Variants in NCR3LG1 observed in about 807,000 individuals in gnomAD.
NCR3LG1 encodes the protein natural killer cell cytotoxicity receptor 3 ligand 1, also known as natural cytotoxicity triggering receptor 3 ligand 1.
Under a neutral mutation model 34.8 loss-of-function variants are expected in NCR3LG1, and 35 were observed. That is an observed-to-expected ratio of 1.01 (90% CI 0.77 to 1.33). The LOEUF is 1.33. NCR3LG1 is among the 40% of genes most tolerant of loss of function. The pLI is 0.00. For synonymous variants in NCR3LG1, 173 were observed against 163.6 expected (o/e 1.06, Z -0.44); for missense variants, 452 against 423.3 (o/e 1.07, Z -0.60).
Position 17,352,026 on chromosome 11 carries a change from G to A in NCR3LG1, c.57G>A (p.Ala19=). The part of the protein sequence containing the change: ...TCAALLILLW[A]LTTEGDLKVE... ...CGGCGCTCCTGATTCTGCTGTGGGCGCTGACGACCGAAGGTAGGGGGCGGC... is the reference window on the plus strand; with the variant it reads ...CGGCGCTCCTGATTCTGCTGTGGGCACTGACGACCGAAGGTAGGGGGCGGC... The change falls in exon 1 of 5, where the codon GCG becomes GCA. Residue 19 remains alanine (A), a synonymous_variant. Coordinates refer to ENST00000338965, the MANE Select transcript of NCR3LG1 (RefSeq NM_001202439.3). 2 of 1,503,904 alleles carry A rather than the reference G, an allele frequency of 1.3e-6. No homozygotes were observed. The highest frequency in any genetic ancestry group is 1.8e-6 in the Non-Finnish European group (2 of 1,129,226). The allele number at this position is 1,503,904 out of a possible 1,614,324, so 93.2% of individuals were successfully genotyped here.
chr11:17,367,447 G>T, intron 3 of NCR3LG1, 100 bp downstream of exon 3: 1 of 1,027,028 alleles, frequency 9.7e-7, no homozygotes, highest in Non-Finnish European at 1.4e-6. Flanking sequence ...GGACTGAAGG[G>T]GAAACAGAGA....
chr11:17,378,512 T>C (rs547543586), downstream of NCR3LG1, among the ~76,000 whole-genome samples: 4 of 152,324 alleles, frequency 2.6e-5, no homozygotes, highest in East Asian at 7.7e-4. Flanking sequence ...CAAATGGTGC[T>C]GCAGATAGAA....
chr11:17,379,769 A>G (rs995836560), downstream of NCR3LG1, among the ~76,000 whole-genome samples: 1 of 152,240 alleles, frequency 6.6e-6, no homozygotes, highest in Non-Finnish European at 1.5e-5. Context: ...AATATTTAAA[A>G]TGTTTTTTAA....
At chr11:17,361,289 A>AT (rs60695188) in intron 2 of NCR3LG1, among the ~76,000 whole-genome samples, 627 of 140,622 alleles carry the variant, frequency 4.5e-3, no homozygotes, top group Middle Eastern at 0.015. Context: ...AAAAATTGAC[A>AT]TTTTTTTTTT....
chr11:17,352,363 G>A (rs915908312), intron 1 of NCR3LG1, among the ~76,000 whole-genome samples: 17 of 151,922 alleles, frequency 1.1e-4, no homozygotes, highest in African/African-American at 4.1e-4. Context: ...TGTACTTTTA[G>A]TAGAGACGGG....
chr11:17,377,669 T>C (rs1471746447), downstream of NCR3LG1, among the ~76,000 whole-genome samples: 1 of 152,228 alleles, frequency 6.6e-6, no homozygotes, highest in Non-Finnish European at 1.5e-5. Context: ...CCTGTGTCTC[T>C]CACAAGCTAC....
intron 4 of NCR3LG1, among the ~76,000 whole-genome samples, chr11:17,371,215 C>G (rs942532981): frequency 1.3e-5 from 2 of 152,146 alleles, no homozygotes; most frequent in South Asian, 4.1e-4. Context: ...CCCAAACCTC[C>G]CTTTCTGACC....
downstream of NCR3LG1, among the ~76,000 whole-genome samples, chr11:17,378,494 T>C (rs1340081144): frequency 6.6e-6 from 1 of 152,196 alleles, no homozygotes; most frequent in African/African-American, 2.4e-5. Context: ...TTAGAGGCTA[T>C]TAAACTCCAA....
intron 1 of NCR3LG1, among the ~76,000 whole-genome samples, chr11:17,352,454 C>A (rs1953148720): frequency 6.6e-6 from 1 of 152,152 alleles, no homozygotes; most frequent in Non-Finnish European, 1.5e-5. Context: ...GGATTACAGG[C>A]GTGAGCCCCC....
chr11:17,354,545 C>CTTCT (rs1565500552), intron 1 of NCR3LG1, among the ~76,000 whole-genome samples: 1 of 70,292 alleles, frequency 1.4e-5, no homozygotes, highest in Non-Finnish European at 3.4e-5. Flanking sequence ...AATTCTTCTT[C>CTTCT]TTTTTTTTTT....
chr11:17,369,501 C>T (rs1230046241), intron 4 of NCR3LG1, among the ~76,000 whole-genome samples: 1 of 152,170 alleles, frequency 6.6e-6, no homozygotes, highest in Non-Finnish European at 1.5e-5. Flanking sequence ...GTAAATAAAA[C>T]AGCTCAAGCT....
chr11:17,361,714 T>G (rs1173716064), intron 2 of NCR3LG1, among the ~76,000 whole-genome samples: 3 of 149,070 alleles, frequency 2.0e-5, no homozygotes, highest in East Asian at 1.9e-4. Context: ...AGGGATTTTT[T>G]TGTTTTTGTT....
In NCR3LG1 at chr11:17,373,180, C is replaced by G. The variant is rs1448054942; in HGVS notation, c.*668C>G. On this transcript the variant is annotated 3_prime_UTR_variant, in exon 5 of 5. Coordinates refer to ENST00000338965, the MANE Select transcript of NCR3LG1 (RefSeq NM_001202439.3). ...AACAGGCCATGGGATTAGATAGCACCTTACAAAACCTCCTGAAGGTAGCCA... is the reference window on the plus strand; with the variant it reads ...AACAGGCCATGGGATTAGATAGCACGTTACAAAACCTCCTGAAGGTAGCCA... 1.3e-5 allele frequency: 2 copies of G among 152,166 alleles called. No homozygotes were observed. The highest frequency in any genetic ancestry group is 4.8e-5 in the African/African-American group (2 of 41,426). The allele number at this position is 152,166 out of a possible 1,614,324, so 9.4% of individuals were successfully genotyped here.
intron 1 of NCR3LG1, among the ~76,000 whole-genome samples, chr11:17,355,559 G>T (rs1480019876): frequency 6.6e-6 from 1 of 152,046 alleles, no homozygotes; most frequent in Non-Finnish European, 1.5e-5. Context: ...CTAAATAAAT[G>T]AAATGGAAAA....
intron 2 of NCR3LG1, among the ~76,000 whole-genome samples, chr11:17,363,739 C>T (rs560440172): frequency 5.9e-5 from 9 of 151,864 alleles, no homozygotes; most frequent in East Asian, 3.9e-4. Flanking sequence ...TGGGGCCACA[C>T]GCGGGTGCCA....
downstream of NCR3LG1, among the ~76,000 whole-genome samples, chr11:17,378,832 G>T (rs531727068): frequency 3.0e-4 from 46 of 152,280 alleles, 1 homozygote; most frequent in South Asian, 5.8e-3. Flanking sequence ...CCTTAGACAT[G>T]TCCACAGCTG....
rs1953422616 is a variant in NCR3LG1, at chr11:17,372,528, G to A, written c.*16G>A. The A allele has an allele frequency of 3.0e-6, 2 of 670,730 alleles. No homozygotes were observed. Among genetic ancestry groups the A allele is most frequent in the Non-Finnish European group, 5.4e-6 (2 of 368,790 alleles). The allele number at this position is 670,730 out of a possible 1,614,324, so 41.5% of individuals were successfully genotyped here. A position where few individuals can be genotyped will look rare whatever the true frequency, so the allele number is the denominator to read the frequency against. On this transcript the variant is annotated 3_prime_UTR_variant, in exon 5 of 5. Coordinates refer to ENST00000338965, the MANE Select transcript of NCR3LG1 (RefSeq NM_001202439.3). ...CCTACAGTAAATGCCTGATGGACCT[G>A]GTGCCACTAGGGTCCAAGTTCCCTT...
Position 17,377,261 on chromosome 11 carries a change from G to A in NCR3LG1, c.*4749G>A, listed in dbSNP as rs1181508593. On this transcript the variant is annotated 3_prime_UTR_variant, in exon 5 of 5. Transcript: ENST00000338965. ...TGGGAGGCTGAGGCAGGTAGATGAT[G>A]AGGTCAGGAGTTCAAGACTAGCCTG... The A allele has an allele frequency of 4.0e-5, 6 of 149,830 alleles. No individual in the cohort carries two copies. The highest frequency in any genetic ancestry group is 1.5e-4 in the African/African-American group (6 of 40,438). The allele number at this position is 149,830 out of a possible 1,614,324, so 9.3% of individuals were successfully genotyped here. A position where few individuals can be genotyped will look rare whatever the true frequency, so the allele number is the denominator to read the frequency against.
chr11:17,363,202 G>C (rs1052492093), intron 2 of NCR3LG1, among the ~76,000 whole-genome samples: 11 of 151,534 alleles, frequency 7.3e-5, no homozygotes, highest in African/African-American at 2.7e-4. Context: ...GGGATTACAG[G>C]CATGAGCCAC....
Sources: allele counts gnomAD v4.1 joint callset (sites outside exome capture counted in the v4.1 genomes callset), GRCh38; gene constraint gnomAD v4.1.1; transcripts MANE v1.5; gene names NCBI Gene and HGNC (gene_info 2026-07-23, HGNC 2026-07-21).